Variants in DOCK1 observed in about 807,000 individuals in gnomAD.
The protein encoded by DOCK1 is dedicator of cytokinesis 1, also known as dedicator of cytokinesis protein 1.
DOCK1 carries 138 observed loss-of-function variants against 262.7 expected under a neutral mutation model. That is an observed-to-expected ratio of 0.53 (90% CI 0.46 to 0.61). DOCK1 has a LOEUF of 0.61. DOCK1 is among the 20% of genes least tolerant of loss of function. The pLI, the probability that DOCK1 is intolerant of heterozygous loss-of-function variation, is 0.00. For missense variants in DOCK1, 1,908 were observed against 2,370.7 expected, an observed-to-expected ratio of 0.80 and a Z score of 4.05; for synonymous variants, 866 against 867.4, an observed-to-expected ratio of 1.00 and a Z score of 0.03.
intron 1 of DOCK1, among the ~76,000 whole-genome samples, chr10:126,945,241 G>T (rs1490646168): frequency 2.0e-5 from 3 of 152,214 alleles, no homozygotes; most frequent in Middle Eastern, 3.4e-3. Context: ...AGTCATTTCA[G>T]GGTCTTACTG....
intron 45 of DOCK1, among the ~76,000 whole-genome samples, chr10:127,419,328 G>T (rs1001409797): frequency 2.0e-5 from 3 of 152,134 alleles, no homozygotes; most frequent in African/African-American, 7.2e-5. Context: ...CTGGGCAGGT[G>T]CAGGGGCTAG....
At chr10:127,387,192 TCTC>T (rs1468994531) in intron 38 of DOCK1, among the ~76,000 whole-genome samples, 1 of 152,176 alleles carries the variant, frequency 6.6e-6, no homozygotes, top group African/African-American at 2.4e-5. Flanking sequence ...TCCCGCGACC[TCTC>T]CACCCTCATT....
rs1014463294 is a variant in DOCK1, at chr10:127,218,475, C to T, written c.2848-29533C>T. Among the ~76,000 whole-genome samples the T allele has an allele frequency of 5.3e-5, 8 of 152,198 alleles. No individual in the cohort carries two copies. In the Middle Eastern group the frequency reaches 0.01, roughly 194 times the overall value. The stretch of plus-strand genomic sequence containing the variant: ...AGTTAAGACTAGAACAGAAGTTTTC[C>T]GACTCCCAGTCTGTTCAGTATTTTC... On this transcript the variant is annotated intron_variant, in intron 27 of 51. Transcript: ENST00000623213.
chr10:127,195,431 G>A (rs1363240948), intron 27 of DOCK1, among the ~76,000 whole-genome samples: 1 of 152,160 alleles, frequency 6.6e-6, no homozygotes, highest in African/African-American at 2.4e-5. Flanking sequence ...CCAGCGAGTG[G>A]AGGAGACGAG....
rs773560236 is a variant in DOCK1 at position 127,419,849 on chromosome 10, G to A, written c.4776+100G>A. 4 of 1,279,876 alleles carry A rather than the reference G, an allele frequency of 3.1e-6. No homozygotes were observed. The South Asian group carries it at 3.9e-5, about 13-fold the overall frequency. The allele number at this position is 1,279,876 out of a possible 1,614,324, so 79.3% of individuals were successfully genotyped here. ...CAGCCAGCATGGAGGTCCCTGGGCT[G>A]CAGTCCTGATGCACGTGGCTGTGAT... On this transcript the variant is annotated intron_variant, in intron 46 of 51. Transcript: ENST00000623213.
intron 29 of DOCK1, among the ~76,000 whole-genome samples, chr10:127,297,073 CAG>C (rs2061528739): frequency 6.6e-6 from 1 of 151,988 alleles, no homozygotes; most frequent in African/African-American, 2.4e-5. Flanking sequence ...CCACGGTGTG[CAG>C]AGGAGGGGTG....
At chr10:127,302,314 CAGACCAGGTGGGACTGGACTACAGGAG>C (rs1231965312) in intron 29 of DOCK1, among the ~76,000 whole-genome samples, 2 of 152,050 alleles carry the variant, frequency 1.3e-5, no homozygotes, top group East Asian at 1.9e-4. Context: ...GAGTCGTGTG[CAGACCAGGTGGGACTGGACTACAGGAG>C]AGACCAGGTG....
chr10:127,333,530 C>T (rs1404229330), intron 29 of DOCK1, among the ~76,000 whole-genome samples: 1 of 152,232 alleles, frequency 6.6e-6, no homozygotes, highest in East Asian at 1.9e-4. Context: ...TTATTTAGGA[C>T]TATGCTACTT....
chr10:127,024,792 T>C lies in DOCK1; in HGVS notation c.1551+9T>C. Reference sequence around the variant, plus strand: ...GGTTTGAGACTGTTAAGGTATTATTTACATGGTCATTTTATCACATGGCGC... The same window carrying C: ...GGTTTGAGACTGTTAAGGTATTATTCACATGGTCATTTTATCACATGGCGC... On this transcript the variant is annotated intron_variant, in intron 15 of 51. Transcript: ENST00000623213. 2 of 1,589,122 alleles carry C rather than the reference T, an allele frequency of 1.3e-6. No individual in the cohort carries two copies. Among genetic ancestry groups the C allele is most frequent in the East Asian group, 4.5e-5 (2 of 44,372 alleles).
At chr10:127,064,885 C>G (rs2045761067) in intron 23 of DOCK1, among the ~76,000 whole-genome samples, 1 of 152,232 alleles carries the variant, frequency 6.6e-6, no homozygotes, top group Admixed American at 6.5e-5. Flanking sequence ...GGAACTCCAG[C>G]CCCATCAAAC....
At chr10:127,334,124 A>G (rs975313578) in intron 29 of DOCK1, among the ~76,000 whole-genome samples, 7 of 152,152 alleles carry the variant, frequency 4.6e-5, no homozygotes, top group Admixed American at 6.5e-5. Context: ...TTCATTGTGG[A>G]ATGATTAAAT....
chr10:127,301,056 C>T (rs551695056), intron 29 of DOCK1, among the ~76,000 whole-genome samples: 2 of 152,322 alleles, frequency 1.3e-5, no homozygotes, highest in African/African-American at 4.8e-5. Context: ...GAAGAGGAGT[C>T]AGTGTTTCTG....
intron 2 of DOCK1, among the ~76,000 whole-genome samples, chr10:126,974,573 C>G (rs192511043): frequency 1.7e-3 from 260 of 152,282 alleles, no homozygotes; most frequent in Non-Finnish European, 1.6e-3. Flanking sequence ...GTGAATCTTT[C>G]TCCTTCCAGC....
chr10:126,922,389 G>A (rs750356613), intron 1 of DOCK1, among the ~76,000 whole-genome samples: 1 of 152,018 alleles, frequency 6.6e-6, no homozygotes, highest in Non-Finnish European at 1.5e-5. Context: ...CAAGAGAGGG[G>A]AGGAGCTGCC....
intron 27 of DOCK1, among the ~76,000 whole-genome samples, chr10:127,157,953 T>C (rs902374497): frequency 1.1e-4 from 16 of 152,246 alleles, no homozygotes; most frequent in Admixed American, 8.5e-4. Context: ...GCTAAAATTT[T>C]ATTAAGCACG....
At chr10:127,360,934 A>AT (rs1047611632) in intron 32 of DOCK1, among the ~76,000 whole-genome samples, 53 of 152,250 alleles carry the variant, frequency 3.5e-4, no homozygotes, top group African/African-American at 1.0e-3. Flanking sequence ...TACCGTGAAA[A>AT]TTCAGTGAGA....
At chr10:127,095,606 G>A (rs924374188) in intron 23 of DOCK1, among the ~76,000 whole-genome samples, 47 of 152,096 alleles carry the variant, frequency 3.1e-4, no homozygotes, top group African/African-American at 1.0e-3. Flanking sequence ...CCCAAAGGCC[G>A]AGGAATTTTG....
intron 1 of DOCK1, among the ~76,000 whole-genome samples, chr10:126,930,381 C>T (rs1358868206): frequency 4.6e-5 from 7 of 152,362 alleles, no homozygotes; most frequent in Non-Finnish European, 1.0e-4. Flanking sequence ...TTCTTGGACA[C>T]AGCAGCAAAG....
At chr10:126,970,111 T>C (rs989022146) in intron 1 of DOCK1, among the ~76,000 whole-genome samples, 1 of 152,104 alleles carries the variant, frequency 6.6e-6, no homozygotes, top group Non-Finnish European at 1.5e-5. Context: ...AGCAAAAGTG[T>C]GGTTGGAATT....
Sources: gnomAD v4.1 joint callset for allele counts (sites outside exome capture counted in the v4.1 genomes callset) on GRCh38, gnomAD v4.1.1 for gene constraint, MANE v1.5 for transcripts, NCBI Gene and HGNC (gene_info 2026-07-23, HGNC 2026-07-21) for gene names.